Variants in SLC9A2 observed in about 807,000 individuals in gnomAD.
SLC9A2 encodes sodium/hydrogen exchanger 2.
Under a neutral mutation model 71.7 loss-of-function variants are expected in SLC9A2, and 42 were observed. The ratio of observed to expected loss-of-function variants is 0.59; its 90% CI spans 0.46 to 0.76. SLC9A2 has a LOEUF of 0.76. Among genes scored for constraint, SLC9A2 ranks in the 30% least tolerant of loss-of-function variants. The pLI, the probability that SLC9A2 is intolerant of heterozygous loss-of-function variation, is 0.00. For missense variants in SLC9A2, 829 were observed against 1,017.4 expected (o/e 0.81, Z 2.52); for synonymous variants, 396 against 392.5 (o/e 1.01, Z -0.10).
intron 1 of SLC9A2, among the ~76,000 whole-genome samples, chr2:102,650,611 T>C (rs1387781537): frequency 2.6e-5 from 4 of 152,268 alleles, no homozygotes; most frequent in Non-Finnish European, 4.4e-5. Context: ...CCTGTAGGTA[T>C]GTGTTTGCTA....
intron 1 of SLC9A2, among the ~76,000 whole-genome samples, chr2:102,625,762 G>A (rs1473944635): frequency 1.3e-5 from 2 of 152,092 alleles, no homozygotes; most frequent in Admixed American, 6.6e-5. Context: ...GCTATTGTGA[G>A]TAGTGCTGCA....
chr2:102,683,163 A>C, intron 3 of SLC9A2, 98 bp from the exon 4 acceptor site: 1 of 788,638 alleles, frequency 1.3e-6, no homozygotes, highest in Non-Finnish European at 2.2e-6. Flanking sequence ...AGTCTTGGGC[A>C]GAAGAGTAGA....
At chr2:102,635,667 A>G (rs1676456072) in intron 1 of SLC9A2, among the ~76,000 whole-genome samples, 2 of 152,246 alleles carry the variant, frequency 1.3e-5, no homozygotes. Flanking sequence ...ACACTGTTTT[A>G]TATTTTCAAT....
intron 3 of SLC9A2, among the ~76,000 whole-genome samples, chr2:102,670,771 CTCT>C (rs755171459): frequency 4.0e-5 from 6 of 150,680 alleles, no homozygotes; most frequent in Non-Finnish European, 8.8e-5. Flanking sequence ...ATCATCTGCT[CTCT>C]TCTTCCTGTT....
At chr2:102,698,333 G>A (rs567104128) in intron 7 of SLC9A2, among the ~76,000 whole-genome samples, 3 of 152,276 alleles carry the variant, frequency 2.0e-5, no homozygotes, top group South Asian at 2.1e-4. Context: ...GGTTAACATC[G>A]ATTCCTTCCA....
intron 1 of SLC9A2, among the ~76,000 whole-genome samples, chr2:102,640,061 C>G (rs1676545478): frequency 6.6e-6 from 1 of 152,248 alleles, no homozygotes; most frequent in African/African-American, 2.4e-5. Flanking sequence ...CTGTAACTTT[C>G]TGGCATTGGA....
At chr2:102,677,021 C>A (rs2104534767) in intron 3 of SLC9A2, among the ~76,000 whole-genome samples, 1 of 152,292 alleles carries the variant, frequency 6.6e-6, no homozygotes. Flanking sequence ...GTAGATAAAG[C>A]ACTCTGGATC....
At chr2:102,694,617 A>C in intron 6 of SLC9A2, 114 bp downstream of exon 6, 1 of 481,548 alleles carries the variant, frequency 2.1e-6, no homozygotes. Flanking sequence ...TGGCAGGGTG[A>C]GAGGGAGGAG....
intron 2 of SLC9A2, among the ~76,000 whole-genome samples, chr2:102,660,438 A>G (rs1361649820): frequency 2.0e-5 from 3 of 152,226 alleles, no homozygotes; most frequent in African/African-American, 7.2e-5. Flanking sequence ...ACAAGATATC[A>G]GGGCATGCCC....
chr2:102,673,788 CTT>C lies in SLC9A2; in HGVS notation c.1004+8453_1004+8454del, dbSNP rs773324787. Among the ~76,000 whole-genome samples the C allele has an allele frequency of 8.0e-3, 1,129 of 141,396 alleles. 15 individuals are homozygous for C. Among genetic ancestry groups the C allele is most frequent in the African/African-American group, 0.026 (1,024 of 38,740 alleles). 92.8% of individuals were successfully genotyped at this position (141,396 alleles called of 152,430 possible). On this transcript the variant is annotated intron_variant, in intron 3 of 11. Transcript: ENST00000233969. ...ATGTATAATTGCTGAGAAATAAATACTTTTTTTTTTTTTTTTGAGACCGAGTC... is the reference window on the plus strand; with the variant it reads ...ATGTATAATTGCTGAGAAATAAATACTTTTTTTTTTTTTTGAGACCGAGTC...
Position 102,632,077 on chromosome 2 carries a change from CACACATATATAT to C in SLC9A2, c.289+11956_289+11967del, listed in dbSNP as rs1415955917. 9.6e-3 allele frequency among the ~76,000 whole-genome samples: 1,217 copies of C among 126,580 alleles called. 35 individuals are homozygous for C. The highest frequency in any genetic ancestry group is 0.036 in the African/African-American group (1,138 of 32,010). 83.0% of individuals were successfully genotyped at this position (126,580 alleles called of 152,430 possible). On this transcript the variant is annotated intron_variant, in intron 1 of 11. Transcript: ENST00000233969. ...ATATATATACACACACATATATATA[CACACATATATAT>C]ACACATATATATACATATATATGTA...
intron 7 of SLC9A2, among the ~76,000 whole-genome samples, chr2:102,699,096 C>T (rs772266258): frequency 4.6e-5 from 7 of 152,110 alleles, no homozygotes; most frequent in Non-Finnish European, 1.0e-4. Context: ...GGGAAAAATA[C>T]ATCTGGGCAG....
At position 102,620,016 on chromosome 2, in the gene SLC9A2, G is replaced by A; in HGVS notation, c.168G>A (p.Val56=). Residue 56 remains valine, a synonymous_variant, in exon 1 of 12, where the codon GTG becomes GTA. Transcript: ENST00000233969. The part of the protein sequence containing the change: ...SSSPPSPASV[V]APGTTLFEES... Reference sequence around the variant, plus strand: ...GCCCGCCTAGCCCTGCGAGCGTGGTGGCTCCCGGAACGACGCTGTTCGAGG... The same window carrying A: ...GCCCGCCTAGCCCTGCGAGCGTGGTAGCTCCCGGAACGACGCTGTTCGAGG... 1 of 1,614,126 alleles carries A rather than the reference G, an allele frequency of 6.2e-7. No individual in the cohort carries two copies. The highest frequency in any genetic ancestry group is 8.5e-7 in the Non-Finnish European group (1 of 1,180,020).
At chr2:102,659,373 G>A (rs12465482) in intron 2 of SLC9A2, among the ~76,000 whole-genome samples, 52,202 of 151,746 alleles carry the variant, frequency 0.34, 9,608 homozygotes, top group East Asian at 0.52. Context: ...CCAGTGAGGC[G>A]GAGGTTGCAA....
chr2:102,644,477 C>A (rs953592743), intron 1 of SLC9A2, among the ~76,000 whole-genome samples: 5 of 152,162 alleles, frequency 3.3e-5, no homozygotes, highest in Admixed American at 3.3e-4. Context: ...TGTTCACTCC[C>A]CTGGAAAGGG....
chr2:102,665,016 A>T, intron 2 of SLC9A2, 84 bp from the exon 3 acceptor site: 2 of 1,387,856 alleles, frequency 1.4e-6, no homozygotes, highest in Non-Finnish European at 2.0e-6. Flanking sequence ...CCTTATTAGA[A>T]GTCCAGGTAG....
chr2:102,638,539 G>A (rs1676513840), intron 1 of SLC9A2, among the ~76,000 whole-genome samples: 1 of 152,216 alleles, frequency 6.6e-6, no homozygotes, highest in South Asian at 2.1e-4. Flanking sequence ...GTCACACAAT[G>A]AGTTCATCGT....
Position 102,702,519 on chromosome 2 carries a change from T to C in SLC9A2, c.1845+17T>C. ...CGTCAGCGAGTAAGAATAATTTATG[T>C]AGCAAAATATTTACTTACCTTTGGC... On this transcript the variant is annotated intron_variant, in intron 9 of 11. Transcript: ENST00000233969. The C allele has an allele frequency of 7.0e-7, 1 of 1,419,162 alleles. No homozygotes were observed. Among genetic ancestry groups the C allele is most frequent in the Non-Finnish European group, 9.8e-7 (1 of 1,020,318 alleles). The allele number at this position is 1,419,162 out of a possible 1,614,324, so 87.9% of individuals were successfully genotyped here.
chr2:102,660,573 T>C (rs1337044698), intron 2 of SLC9A2, among the ~76,000 whole-genome samples: 3 of 152,240 alleles, frequency 2.0e-5, no homozygotes, highest in African/African-American at 7.2e-5. Flanking sequence ...TTTTATCTCC[T>C]AGTCAGGTAC....
Sources: allele counts gnomAD v4.1 joint callset (sites outside exome capture counted in the v4.1 genomes callset), GRCh38; gene constraint gnomAD v4.1.1; transcripts MANE v1.5; gene names NCBI Gene and HGNC (gene_info 2026-07-23, HGNC 2026-07-21).